The following HYDIN variants were observed in gnomAD, a reference collection of about 807,000 sequenced individuals.
HYDIN encodes axonemal central pair apparatus protein HYDIN.
In HYDIN, 132 loss-of-function variants were observed where a neutral mutation model predicts 403.9. The observed-to-expected ratio is 0.33, with a 90% confidence interval of 0.28 to 0.38. The LOEUF (loss-of-function observed/expected upper bound fraction) is 0.38. Ranked by LOEUF, HYDIN falls within the 10% of genes least tolerant of loss-of-function variation. HYDIN has a pLI of 1.00. For synonymous variants in HYDIN, 1,202 were observed against 1,891.7 expected (o/e 0.64, Z 9.46); for missense variants, 2,827 against 5,009.5 (o/e 0.56, Z 13.15).
At chr16:71,042,371 C>G (rs1420962699) in intron 18 of HYDIN, among the ~76,000 whole-genome samples, 2 of 151,912 alleles carry the variant, frequency 1.3e-5, no homozygotes, top group Non-Finnish European at 2.9e-5. Flanking sequence ...TACTCTACTG[C>G]TACTTCTTAA....
chr16:70,956,085 G>T (rs2078226745), intron 39 of HYDIN, among the ~76,000 whole-genome samples: 1 of 152,186 alleles, frequency 6.6e-6, no homozygotes, highest in Non-Finnish European at 1.5e-5. Context: ...CTCCCAAAGT[G>T]CTGGGATTAC....
chr16:70,946,863 G>A (rs1386316441), intron 41 of HYDIN, among the ~76,000 whole-genome samples: 2 of 152,146 alleles, frequency 1.3e-5, no homozygotes, highest in Non-Finnish European at 2.9e-5. Flanking sequence ...CAAAAGATCA[G>A]GATTGTGATT....
intron 1 of HYDIN, among the ~76,000 whole-genome samples, chr16:71,201,343 C>T (rs1266161936): frequency 6.6e-6 from 1 of 152,078 alleles, no homozygotes. Context: ...ATTACATTTT[C>T]CTTCTCAAAG....
intron 1 of HYDIN, among the ~76,000 whole-genome samples, chr16:71,190,539 G>A (rs966912997): frequency 6.6e-6 from 1 of 152,160 alleles, no homozygotes; most frequent in African/African-American, 2.4e-5. Flanking sequence ...AATAGTTGAT[G>A]AAAGAAAATT....
intron 9 of HYDIN, 48 bp downstream of exon 9, chr16:71,129,592 G>A: frequency 2.6e-6 from 4 of 1,511,886 alleles, no homozygotes; most frequent in Non-Finnish European, 3.6e-6. Context: ...GCAAGCCTGT[G>A]CTCCCACTTA....
chr16:71,031,643 G>A, intron 19 of HYDIN, 36 bp downstream of exon 19: 1 of 1,588,414 alleles, frequency 6.3e-7, no homozygotes. Flanking sequence ...TAACATATGT[G>A]ATATCTATAA....
At chr16:71,022,782 C>T (rs1019973323) in intron 21 of HYDIN, among the ~76,000 whole-genome samples, 2 of 145,682 alleles carry the variant, frequency 1.4e-5, no homozygotes, top group African/African-American at 5.0e-5. Context: ...AAGCAGGGAA[C>T]TGTAGCTCAA....
At chr16:71,020,518 T>C (rs1291145684) in intron 21 of HYDIN, among the ~76,000 whole-genome samples, 1 of 152,108 alleles carries the variant, frequency 6.6e-6, no homozygotes, top group East Asian at 1.9e-4. Flanking sequence ...TTTAGATTAA[T>C]CATGTGGAGG....
intron 10 of HYDIN, among the ~76,000 whole-genome samples, chr16:71,094,140 C>T (rs540299958): frequency 6.6e-6 from 1 of 152,064 alleles, no homozygotes; most frequent in South Asian, 2.1e-4. Context: ...TCCTGACTGG[C>T]GAAATTGTGA....
chr16:71,094,077 A>G (rs1319049735), intron 10 of HYDIN, 142 bp from the exon 11 acceptor site: 10 of 618,286 alleles, frequency 1.6e-5, no homozygotes, highest in Non-Finnish European at 2.6e-5. Flanking sequence ...CAATTTAACT[A>G]ACGCTGAAGA....
chr16:71,230,573 C>G lies in HYDIN; in HGVS notation c.-35G>C. The G allele has an allele frequency of 6.5e-7, 1 of 1,535,520 alleles. No individual in the cohort carries two copies. Among genetic ancestry groups the G allele is most frequent in the South Asian group, 1.2e-5 (1 of 83,998 alleles). On this transcript the variant is annotated 5_prime_UTR_variant, in exon 1 of 86. Transcript: ENST00000393567. Reference sequence around the variant, plus strand: ...CGAGGACCTCTGACCTTGGTGCACTCCGGGTCCCACGTTTATTCTACCTCC... The same window carrying G: ...CGAGGACCTCTGACCTTGGTGCACTGCGGGTCCCACGTTTATTCTACCTCC...
chr16:71,053,866 G>C (rs1282451019), intron 18 of HYDIN, among the ~76,000 whole-genome samples: 2 of 152,126 alleles, frequency 1.3e-5, no homozygotes, highest in African/African-American at 4.8e-5. Flanking sequence ...TATATCTCTT[G>C]ATTTTTTTCT....
At position 70,943,812 on chromosome 16, in the gene HYDIN, C is replaced by A. The variant is rs1410573504; in HGVS notation, c.6669G>T (p.Gln2223His). Reference sequence around the variant, plus strand: ...CTCTGTGCAGGTGGCATGGACCCACCTGTATCCGCTCTGCCAGGATCTGCA... The same window carrying A: ...CTCTGTGCAGGTGGCATGGACCCACATGTATCCGCTCTGCCAGGATCTGCA... The part of the protein sequence containing the change: ...LLVQILAERI[Q>H]LSDCYRGVVF... Residue 2223 changes from glutamine to histidine, a missense_variant and splice_region_variant, in exon 42 of 86, where the codon CAG becomes CAT. Transcript: ENST00000393567. 6.8e-6 allele frequency: 11 copies of A among 1,611,892 alleles called. No homozygotes were observed. Among genetic ancestry groups the A allele is most frequent in the Non-Finnish European group, 9.3e-6 (11 of 1,179,976 alleles).
At chr16:70,951,840 TCTC>T (rs1166242687) in intron 41 of HYDIN, among the ~76,000 whole-genome samples, 1 of 84,942 alleles carries the variant, frequency 1.2e-5, no homozygotes, top group Admixed American at 1.4e-4. Flanking sequence ...TGATTTCACT[TCTC>T]CACCTACAAC....
At chr16:70,822,665 T>C (rs1174408058) in intron 83 of HYDIN, among the ~76,000 whole-genome samples, 1 of 152,182 alleles carries the variant, frequency 6.6e-6, no homozygotes, top group Non-Finnish European at 1.5e-5. Context: ...TGTCTAATTT[T>C]AGGAAATTGC....
intron 42 of HYDIN, among the ~76,000 whole-genome samples, 179 bp from the exon 43 acceptor site, chr16:70,941,998 T>C (rs1190615815): frequency 6.6e-6 from 1 of 150,506 alleles, no homozygotes; most frequent in East Asian, 1.9e-4. Flanking sequence ...ATAAAAATGT[T>C]TAATCAGCCA....
chr16:71,078,759 C>A (rs879403595), intron 13 of HYDIN, among the ~76,000 whole-genome samples: 29 of 152,288 alleles, frequency 1.9e-4, no homozygotes, highest in Non-Finnish European at 1.8e-4. Flanking sequence ...TCCCGCCTCG[C>A]CCTCCCAAAG....
In HYDIN at chr16:71,020,314, G is replaced by C. The variant is rs1355963781; in HGVS notation, c.3190C>G (p.Pro1064Ala). The change falls in exon 22 of 86, where the codon CCT becomes GCT. Residue 1064 changes from proline (P) to alanine (A), a missense_variant. Physicochemically the swap from Pro to Ala is conservative, Grantham distance 27 (BLOSUM62 -1). Transcript: ENST00000393567. Reference sequence around the variant, plus strand: ...TAATCAGGTTTCAGGATACTGTTAGGTTTCTGCAAAAACAGAAAAAGAGGA... The same window carrying C: ...TAATCAGGTTTCAGGATACTGTTAGCTTTCTGCAAAAACAGAAAAAGAGGA... ...KQLIYRLEKK[P>A]NSILKPDYQP... is the part of the protein sequence containing the mutation. 1 of 1,612,144 alleles carries C rather than the reference G, an allele frequency of 6.2e-7. No homozygotes were observed. Among genetic ancestry groups the C allele is most frequent in the East Asian group, 2.2e-5 (1 of 44,840 alleles).
At chr16:71,156,524 T>C (rs369515756) in intron 6 of HYDIN, among the ~76,000 whole-genome samples, 267 of 151,566 alleles carry the variant, frequency 1.8e-3, no homozygotes, top group African/African-American at 6.3e-3. Context: ...ATCAAAATAT[T>C]TGGTTTTGAT....
Sources: gnomAD v4.1 joint callset for allele counts (sites outside exome capture counted in the v4.1 genomes callset) on GRCh38, gnomAD v4.1.1 for gene constraint, MANE v1.5 for transcripts, NCBI Gene and HGNC (gene_info 2026-07-23, HGNC 2026-07-21) for gene names.